Variants in STAU2 observed in about 807,000 individuals in gnomAD.
STAU2 encodes staufen double-stranded RNA binding protein 2, also known as double-stranded RNA-binding protein Staufen homolog 2.
STAU2 carries 20 observed loss-of-function variants against 65.9 expected under a neutral mutation model. The observed-to-expected ratio is 0.30, with a 90% CI of 0.21 to 0.44. The LOEUF (loss-of-function observed/expected upper bound fraction) is 0.44, where lower values mean the gene tolerates loss of function less well. STAU2 is among the 20% of genes least tolerant of loss of function. The pLI, the probability that STAU2 is intolerant of heterozygous loss-of-function variation, is 1.00. For synonymous variants in STAU2, 232 were observed against 233.9 expected (o/e 0.99, Z 0.07); for missense variants, 558 against 683.9 (o/e 0.82, Z 2.05).
At chr8:73,561,370 T>A in intron 12 of STAU2, 1 of 315,618 alleles carries the variant, frequency 3.2e-6, no homozygotes, top group Non-Finnish European at 6.2e-6. Context: ...TTCTACCAAG[T>A]AAGACAAAAT....
At chr8:73,719,353 C>G (rs540300336) in intron 3 of STAU2, among the ~76,000 whole-genome samples, 17 of 152,040 alleles carry the variant, frequency 1.1e-4, no homozygotes, top group Admixed American at 7.2e-4. Context: ...TTCAGTGAGC[C>G]GAGATCGTGC....
intron 13 of STAU2, chr8:73,527,748 G>A (rs1158945795): frequency 6.5e-7 from 1 of 1,536,640 alleles, no homozygotes. Flanking sequence ...TCTGCACAGG[G>A]GCTAATGTCA....
At chr8:73,463,773 G>A (rs1327053537) in intron 13 of STAU2, among the ~76,000 whole-genome samples, 3 of 152,130 alleles carry the variant, frequency 2.0e-5, no homozygotes, top group Admixed American at 2.0e-4. Context: ...AATGATTTCT[G>A]CTGAGTGGCA....
chr8:73,628,724 A>T (rs1813872376), intron 6 of STAU2, among the ~76,000 whole-genome samples: 1 of 152,242 alleles, frequency 6.6e-6, no homozygotes, highest in African/African-American at 2.4e-5. Context: ...TATAAAAGAT[A>T]CAAACATACT....
intron 9 of STAU2, among the ~76,000 whole-genome samples, chr8:73,612,860 C>T (rs980306728): frequency 2.0e-5 from 3 of 152,180 alleles, no homozygotes; most frequent in African/African-American, 7.2e-5. Context: ...AACTAAAATG[C>T]TGGCAATTTA....
At chr8:73,443,751 C>T (rs941296991) in intron 13 of STAU2, among the ~76,000 whole-genome samples, 1 of 151,558 alleles carries the variant, frequency 6.6e-6, no homozygotes, top group Non-Finnish European at 1.5e-5. Context: ...GGGAGGCTAA[C>T]GTGGGAGGAT....
intron 3 of STAU2, among the ~76,000 whole-genome samples, chr8:73,717,541 C>G (rs1390031135): frequency 6.6e-6 from 1 of 152,126 alleles, no homozygotes; most frequent in Non-Finnish European, 1.5e-5. Flanking sequence ...GCCTTTATGT[C>G]TTTGTCAAAA....
chr8:73,578,150 T>C lies in STAU2; in HGVS notation c.1222+4620A>G, dbSNP rs571962332. Among the ~76,000 whole-genome samples the C allele has an allele frequency of 3.0e-4, 45 of 152,324 alleles. No homozygotes were observed. In the South Asian group the frequency reaches 8.9e-3, roughly 30 times the overall value. ...TATTTCCATTTTTAAAAAAAATGTA[T>C]CTGATATCTTTTTACATGTAAAAAT... On this transcript the variant is annotated intron_variant, in intron 12 of 14. Coordinates refer to ENST00000524300, the MANE Select transcript of STAU2 (RefSeq NM_001164380.2).
intron 3 of STAU2, among the ~76,000 whole-genome samples, chr8:73,733,628 C>T (rs1298903668): frequency 6.6e-6 from 1 of 151,788 alleles, no homozygotes; most frequent in Non-Finnish European, 1.5e-5. Context: ...GGGCATAATC[C>T]AAAGAATGTT....
intron 12 of STAU2, among the ~76,000 whole-genome samples, chr8:73,555,839 A>G (rs1333656488): frequency 6.6e-6 from 1 of 152,222 alleles, no homozygotes; most frequent in Admixed American, 6.5e-5. Context: ...GGATGACTGT[A>G]TATCAATCCT....
intron 13 of STAU2, among the ~76,000 whole-genome samples, chr8:73,475,429 G>C (rs1276153108): frequency 6.6e-6 from 1 of 152,154 alleles, no homozygotes; most frequent in Non-Finnish European, 1.5e-5. Context: ...AGGCTTTGCA[G>C]CTGAGACCCG....
At chr8:73,557,364 T>C (rs1563420511) in intron 12 of STAU2, among the ~76,000 whole-genome samples, 2 of 152,212 alleles carry the variant, frequency 1.3e-5, no homozygotes, top group African/African-American at 4.8e-5. Flanking sequence ...ACTTTTAACT[T>C]GAACATCAGT....
intron 13 of STAU2, among the ~76,000 whole-genome samples, chr8:73,529,547 T>G (rs1805672035): frequency 6.6e-6 from 1 of 152,074 alleles, no homozygotes; most frequent in South Asian, 2.1e-4. Flanking sequence ...CTTAGAGAAA[T>G]GAAAATTAGA....
chr8:73,516,446 A>C (rs1221215977), intron 13 of STAU2, among the ~76,000 whole-genome samples: 1 of 152,152 alleles, frequency 6.6e-6, no homozygotes, highest in Non-Finnish European at 1.5e-5. Flanking sequence ...AATGCCTTCA[A>C]ATTTCTTCCA....
intron 13 of STAU2, among the ~76,000 whole-genome samples, chr8:73,489,890 T>C (rs1302055954): frequency 1.3e-5 from 2 of 152,096 alleles, no homozygotes; most frequent in Non-Finnish European, 2.9e-5. Flanking sequence ...CAGCAGTAGG[T>C]CTATTGTTCA....
chr8:73,716,567 T>A (rs1238870963), intron 3 of STAU2, among the ~76,000 whole-genome samples: 2 of 152,244 alleles, frequency 1.3e-5, no homozygotes, highest in Non-Finnish European at 2.9e-5. Flanking sequence ...AGTATTTAGT[T>A]TGGTCAGTCT....
intron 6 of STAU2, among the ~76,000 whole-genome samples, chr8:73,641,681 G>A (rs1431393386): frequency 5.3e-5 from 8 of 152,138 alleles, no homozygotes; most frequent in Non-Finnish European, 1.2e-4. Flanking sequence ...GAGAAGTTCC[G>A]CAGTAAAGAA....
chr8:73,597,669 CAAAAAAAAAAAAA>C (rs34461371), intron 10 of STAU2, among the ~76,000 whole-genome samples: 931 of 55,992 alleles, frequency 0.017, 22 homozygotes, highest in African/African-American at 0.054. Flanking sequence ...GTCTCTGTCT[CAAAAAAAAAAAAA>C]AAAAAAAAAA....
intron 13 of STAU2, among the ~76,000 whole-genome samples, chr8:73,476,868 TAAG>T (rs1820351016): frequency 1.3e-5 from 2 of 152,160 alleles, no homozygotes; most frequent in Non-Finnish European, 2.9e-5. Context: ...GCAGCCAGAC[TAAG>T]AAGTGGCTTC....
Sources: gnomAD v4.1 joint callset for allele counts (sites outside exome capture counted in the v4.1 genomes callset) on GRCh38, gnomAD v4.1.1 for gene constraint, MANE v1.5 for transcripts, NCBI Gene and HGNC (gene_info 2026-07-23, HGNC 2026-07-21) for gene names.